LRCH1: variants seen among roughly 807,000 people sequenced by gnomAD.
LRCH1 encodes leucine rich repeats and calponin homology domain containing 1.
LRCH1 carries 23 observed loss-of-function variants against 94.9 expected under a neutral mutation model. The ratio of observed to expected loss-of-function variants is 0.24; its 90% CI spans 0.17 to 0.34. LRCH1 has a LOEUF of 0.34. Among genes scored for constraint, LRCH1 ranks in the 10% least tolerant of loss-of-function variants. The pLI is 1.00. For synonymous variants in LRCH1, 364 were observed against 354.9 expected (o/e 1.03, Z -0.29); for missense variants, 790 against 945.9 (o/e 0.84, Z 2.16).
chr13:46,665,293 A>G (rs1002273254), intron 2 of LRCH1, among the ~76,000 whole-genome samples: 1 of 152,232 alleles, frequency 6.6e-6, no homozygotes, highest in Non-Finnish European at 1.5e-5. Flanking sequence ...CAAACTATGG[A>G]CATCAATAAG....
At chr13:46,670,404 C>G (rs1360321513) in intron 3 of LRCH1, among the ~76,000 whole-genome samples, 1 of 152,176 alleles carries the variant, frequency 6.6e-6, no homozygotes, top group African/African-American at 2.4e-5. Flanking sequence ...CTCAGCTTTT[C>G]CTCTTCCATA....
At chr13:46,650,792 T>G (rs916185856) in intron 2 of LRCH1, among the ~76,000 whole-genome samples, 32 of 150,696 alleles carry the variant, frequency 2.1e-4, no homozygotes, top group African/African-American at 7.8e-4. Flanking sequence ...TGGGCTTTGC[T>G]ACCTAGTACT....
At chr13:46,639,139 G>A (rs1337412108) in intron 1 of LRCH1, among the ~76,000 whole-genome samples, 13 of 152,150 alleles carry the variant, frequency 8.5e-5, no homozygotes, top group Admixed American at 8.5e-4. Context: ...TATGTAATTA[G>A]CAACTCACAG....
At chr13:46,574,169 T>C (rs189373902) in intron 1 of LRCH1, among the ~76,000 whole-genome samples, 2 of 152,054 alleles carry the variant, frequency 1.3e-5, no homozygotes, top group Admixed American at 1.3e-4. Flanking sequence ...AATTTAATTG[T>C]AATTTAAATA....
chr13:46,623,441 T>C (rs1199308136), intron 1 of LRCH1, among the ~76,000 whole-genome samples: 4 of 152,196 alleles, frequency 2.6e-5, no homozygotes, highest in Admixed American at 2.6e-4. Context: ...ATAAAATGTC[T>C]ATAAAATGTT....
Position 46,721,626 on chromosome 13 carries a change from C to T in LRCH1, c.1760-1595C>T, listed in dbSNP as rs138419760. 8.0e-3 allele frequency among the ~76,000 whole-genome samples: 1,224 copies of T among 152,272 alleles called. 11 individuals carry two copies. The highest frequency in any genetic ancestry group is 0.014 in the Non-Finnish European group (931 of 68,010). On this transcript the variant is annotated intron_variant, in intron 16 of 19. Coordinates refer to ENST00000389797, the MANE Select transcript of LRCH1 (RefSeq NM_001164211.2). ...TTTACTTTTTAAACAATTGGTTCTA[C>T]GTCCTGTGAGGTTTGGGTTTTGTGG...
At chr13:46,614,544 C>T (rs1267818851) in intron 1 of LRCH1, among the ~76,000 whole-genome samples, 1 of 152,152 alleles carries the variant, frequency 6.6e-6, no homozygotes, top group Non-Finnish European at 1.5e-5. Flanking sequence ...GTTAAGGAAA[C>T]TTTTTTTAAA....
intron 2 of LRCH1, among the ~76,000 whole-genome samples, chr13:46,657,464 T>C (rs373106031): frequency 6.8e-6 from 1 of 147,442 alleles, no homozygotes; most frequent in Non-Finnish European, 1.5e-5. Context: ...TTTTTTTCTT[T>C]CTTTCTTCTT....
chr13:46,568,270 C>T (rs532680304), intron 1 of LRCH1, among the ~76,000 whole-genome samples: 13 of 152,290 alleles, frequency 8.5e-5, no homozygotes, highest in African/African-American at 2.6e-4. Context: ...ATAACTCATC[C>T]TGGCCTAATG....
chr13:46,605,365 A>G (rs1383979217), intron 1 of LRCH1, among the ~76,000 whole-genome samples: 1 of 152,210 alleles, frequency 6.6e-6, no homozygotes, highest in Non-Finnish European at 1.5e-5. Flanking sequence ...TATTTATTTT[A>G]CAGAAGCCTT....
rs370060337 is a variant in LRCH1, at chr13:46,605,575, C to CT, written c.308-44620dup. Among the ~76,000 whole-genome samples, 158 of 152,054 alleles carry CT rather than the reference C, an allele frequency of 1.0e-3. 2 individuals carry two copies. Among genetic ancestry groups the CT allele is most frequent in the African/African-American group, 3.8e-3 (156 of 41,464 alleles). ...CTTCCTCCACCTCATTTTTCTTCTTCTTTTTTAAAAATAATCATAAGCATG... is the reference window on the plus strand; with the variant it reads ...CTTCCTCCACCTCATTTTTCTTCTTCTTTTTTTAAAAATAATCATAAGCATG... On this transcript the variant is annotated intron_variant, in intron 1 of 19. Coordinates refer to ENST00000389797, the MANE Select transcript of LRCH1 (RefSeq NM_001164211.2).
chr13:46,697,036 C>G (rs1188104131), intron 9 of LRCH1, among the ~76,000 whole-genome samples: 1 of 152,182 alleles, frequency 6.6e-6, no homozygotes, highest in African/African-American at 2.4e-5. Flanking sequence ...CCACTGCACT[C>G]CAGCCTGGGT....
At chr13:46,615,400 C>G (rs1459463631) in intron 1 of LRCH1, among the ~76,000 whole-genome samples, 2 of 152,140 alleles carry the variant, frequency 1.3e-5, no homozygotes, top group South Asian at 2.1e-4. Context: ...CTTGCTATGG[C>G]AAGGACAGGA....
chr13:46,556,160 G>A lies in LRCH1; in HGVS notation c.307+2457G>A, dbSNP rs899518175. Among the ~76,000 whole-genome samples, 6 of 151,458 alleles carry A rather than the reference G, an allele frequency of 4.0e-5. 1 individual carries two copies. In the Middle Eastern group the frequency reaches 0.021, roughly 519 times the overall value. On this transcript the variant is annotated intron_variant, in intron 1 of 19. Coordinates refer to ENST00000389797, the MANE Select transcript of LRCH1 (RefSeq NM_001164211.2). Reference sequence around the variant, plus strand: ...TTTTCCATATATTTTCTAAGACAGGGAGTGGTAGAGCAAGCTTTTTCTCAC... The same window carrying A: ...TTTTCCATATATTTTCTAAGACAGGAAGTGGTAGAGCAAGCTTTTTCTCAC...
intron 2 of LRCH1, among the ~76,000 whole-genome samples, chr13:46,667,691 AT>A (rs1157714376): frequency 2.0e-5 from 3 of 152,168 alleles, no homozygotes; most frequent in East Asian, 1.9e-4. Context: ...AAAATAAAAA[AT>A]AAAAAATAAA....
chr13:46,598,800 T>A (rs1441800086), intron 1 of LRCH1, among the ~76,000 whole-genome samples: 1 of 152,174 alleles, frequency 6.6e-6, no homozygotes, highest in Non-Finnish European at 1.5e-5. Context: ...CCATGGGCAA[T>A]GCTCTATGGT....
Position 46,553,591 on chromosome 13 carries a change from C to A in LRCH1, c.195C>A (p.Arg65=). The A allele has an allele frequency of 1.9e-6, 3 of 1,556,764 alleles. No homozygotes were observed. Among genetic ancestry groups the A allele is most frequent in the Non-Finnish European group, 2.6e-6 (3 of 1,151,032 alleles). Residue 65 remains arginine, a synonymous_variant, in exon 1 of 20, where the codon CGC becomes CGA. Transcript: ENST00000389797. ...FNLPLNRGLE[R]ALEEAANSGG... is the part of the protein sequence containing the mutation. The stretch of plus-strand genomic sequence containing the variant: ...TGCCCTTGAACCGGGGTCTGGAGCG[C>A]GCGCTTGAGGAGGCGGCCAACTCCG...
Position 46,705,141 on chromosome 13 carries a change from C to A in LRCH1, c.1474C>A (p.Gln492Lys). 1 of 1,607,890 alleles carries A rather than the reference C, an allele frequency of 6.2e-7. No homozygotes were observed. The highest frequency in any genetic ancestry group is 2.2e-5 in the East Asian group (1 of 44,832). ...GGGATCAGCAGAAGCCTTAGAATTA[C>A]AAGATTCTGCACTGAAGTATGCTTG... ...PMGSAEALEL[Q>K]DSALNGQIQL... The change falls in exon 12 of 20, where the codon CAA (glutamine) becomes AAA (lysine). Residue 492 changes from glutamine (Q) to lysine (K), a missense_variant. By Grantham distance (53) the Gln-to-Lys change is moderately conservative. Coordinates refer to ENST00000389797, the MANE Select transcript of LRCH1 (RefSeq NM_001164211.2).
chr13:46,623,951 A>G (rs1000896738), intron 1 of LRCH1, among the ~76,000 whole-genome samples: 6 of 147,288 alleles, frequency 4.1e-5, no homozygotes, highest in Non-Finnish European at 7.4e-5. Context: ...TGGTGCAGTT[A>G]TAGCTCACTG....
Sources: allele counts gnomAD v4.1 joint callset (sites outside exome capture counted in the v4.1 genomes callset), GRCh38; gene constraint gnomAD v4.1.1; transcripts MANE v1.5; gene names NCBI Gene and HGNC (gene_info 2026-07-23, HGNC 2026-07-21).